RPS6KA2: variants seen among roughly 807,000 people sequenced by gnomAD.
RPS6KA2 encodes the protein ribosomal protein S6 kinase alpha-2.
Under a neutral mutation model 91.8 loss-of-function variants are expected in RPS6KA2, and 42 were observed. That is an observed-to-expected ratio of 0.46 (90% confidence interval 0.36 to 0.59). The LOEUF (loss-of-function observed/expected upper bound fraction) is 0.59. Among genes scored for constraint, RPS6KA2 ranks in the 20% least tolerant of loss-of-function variants. RPS6KA2 has a pLI of 0.00. For missense variants in RPS6KA2, 798 were observed against 978.5 expected (o/e 0.82, Z 2.46); for synonymous variants, 414 against 393.6 (o/e 1.05, Z -0.61).
intron 2 of RPS6KA2, among the ~76,000 whole-genome samples, chr6:166,653,985 A>G (rs1787935979): frequency 6.6e-6 from 1 of 152,222 alleles, no homozygotes; most frequent in Non-Finnish European, 1.5e-5. Context: ...TCTCACTGTG[A>G]TACTGAGCAG....
At chr6:166,429,380 A>T (rs1472041266) in intron 16 of RPS6KA2, among the ~76,000 whole-genome samples, 1 of 151,962 alleles carries the variant, frequency 6.6e-6, no homozygotes, top group Non-Finnish European at 1.5e-5. Context: ...TGGCACATGT[A>T]TACATATGTA....
intron 2 of RPS6KA2, among the ~76,000 whole-genome samples, chr6:166,644,276 T>C (rs1787536558): frequency 6.6e-6 from 1 of 152,110 alleles, no homozygotes; most frequent in Admixed American, 6.5e-5. Context: ...GAAAGGGAAT[T>C]ATCTAGTAGG....
chr6:166,834,325 C>T (rs1424995323), intron 2 of RPS6KA2, among the ~76,000 whole-genome samples: 1 of 152,130 alleles, frequency 6.6e-6, no homozygotes, highest in Admixed American at 6.5e-5. Flanking sequence ...ATTTGCCGTT[C>T]TCATGTCTTT....
At chr6:166,610,195 A>G (rs1202568174) in intron 1 of RPS6KA2, among the ~76,000 whole-genome samples, 3 of 152,236 alleles carry the variant, frequency 2.0e-5, no homozygotes, top group African/African-American at 7.2e-5. Flanking sequence ...AACGTGAGGC[A>G]CGTCATTTGA....
intron 2 of RPS6KA2, among the ~76,000 whole-genome samples, chr6:166,686,966 G>A (rs1408384953): frequency 6.6e-6 from 1 of 152,258 alleles, no homozygotes. Flanking sequence ...CGGAGGGACT[G>A]ACTGGGTGCA....
chr6:166,544,570 A>G (rs573901840), intron 1 of RPS6KA2: 1 of 152,170 alleles, frequency 6.6e-6, no homozygotes, highest in South Asian at 2.1e-4. Flanking sequence ...ACCAGAAGGA[A>G]CCTCCCATGT....
At chr6:166,556,378 C>G (rs1010002870) in intron 1 of RPS6KA2, among the ~76,000 whole-genome samples, 5 of 152,340 alleles carry the variant, frequency 3.3e-5, no homozygotes, top group African/African-American at 1.2e-4. Context: ...GACTTTTCCC[C>G]CTACTACCTG....
chr6:166,816,391 C>A (rs200838178), intron 2 of RPS6KA2, among the ~76,000 whole-genome samples: 303 of 119,962 alleles, frequency 2.5e-3, no homozygotes, highest in Non-Finnish European at 3.2e-3. Flanking sequence ...ACTAAAAATA[C>A]AAAAAAAAAA....
rs1458357253 is a variant in RPS6KA2 at position 166,626,727 on chromosome 6, C to T, written c.99+194G>A. ...AGTTGCCCCCGCGAGGACCCACGGACCGCCCAATTACTACGGAGTCCCAGC... is the reference window on the plus strand; with the variant it reads ...AGTTGCCCCCGCGAGGACCCACGGATCGCCCAATTACTACGGAGTCCCAGC... On this transcript the variant is annotated intron_variant, in intron 1 of 20. Transcript: ENST00000265678. The surrounding 1 kb of genome is among the most constrained non-coding windows in gnomAD (Gnocchi z 4.1). Among the ~76,000 whole-genome samples, 4 of 152,222 alleles carry T rather than the reference C, an allele frequency of 2.6e-5. No homozygotes were observed. Among genetic ancestry groups the T allele is most frequent in the Non-Finnish European group, 4.4e-5 (3 of 68,032 alleles).
In RPS6KA2 at chr6:166,500,152, A is replaced by G. The variant is rs1004745253; in HGVS notation, c.604+735T>C. Among the ~76,000 whole-genome samples, 58 of 152,214 alleles carry G rather than the reference A, an allele frequency of 3.8e-4. No homozygotes were observed. Among genetic ancestry groups the G allele is most frequent in the African/African-American group, 1.4e-3 (58 of 41,444 alleles). On this transcript the variant is annotated intron_variant, in intron 7 of 20. Transcript: ENST00000265678. This position sits in a 1 kb window ranked among gnomAD's most constrained non-coding sequence, Gnocchi z 4.3. ...AGCTAAGCAAGGGAGTCTCCTCTAG[A>G]GGCCCCCAAAAGGCAGGCAGCCCTG...
At chr6:166,425,264 T>G (rs1283823325) in intron 16 of RPS6KA2, among the ~76,000 whole-genome samples, 1 of 152,002 alleles carries the variant, frequency 6.6e-6, no homozygotes, top group Non-Finnish European at 1.5e-5. Flanking sequence ...TTTAAAAAAT[T>G]TTAAAATTTG....
intron 1 of RPS6KA2, among the ~76,000 whole-genome samples, chr6:166,546,404 CAG>C (rs1351529866): frequency 6.6e-6 from 1 of 151,932 alleles, no homozygotes; most frequent in African/African-American, 2.4e-5. Flanking sequence ...AACCCGGTGA[CAG>C]TGATACCAGG....
intron 2 of RPS6KA2, among the ~76,000 whole-genome samples, chr6:166,784,432 G>T (rs759253103): frequency 4.1e-4 from 1 of 2,446 alleles, no homozygotes; most frequent in African/African-American, 1.2e-3. Context: ...AACCACATAT[G>T]CACACGTGCA....
At chr6:166,432,918 C>T (rs1247172667) in intron 14 of RPS6KA2, among the ~76,000 whole-genome samples, 1 of 149,422 alleles carries the variant, frequency 6.7e-6, no homozygotes, top group Non-Finnish European at 1.5e-5. Context: ...TCACTTGAAC[C>T]TGGGAGGCAG....
At chr6:166,707,175 G>T (rs1283136370) in intron 2 of RPS6KA2, among the ~76,000 whole-genome samples, 1 of 152,204 alleles carries the variant, frequency 6.6e-6, no homozygotes, top group African/African-American at 2.4e-5. Context: ...TGGCAGCACT[G>T]GACAGATAAC....
At chr6:166,655,090 A>C (rs936810797) in intron 2 of RPS6KA2, among the ~76,000 whole-genome samples, 1 of 152,150 alleles carries the variant, frequency 6.6e-6, no homozygotes, top group Non-Finnish European at 1.5e-5. Flanking sequence ...CTTTACAACT[A>C]TTTCACCCAA....
intron 2 of RPS6KA2, among the ~76,000 whole-genome samples, chr6:166,815,070 C>T (rs1099649): frequency 0.98 from 149,026 of 152,288 alleles, 72,997 homozygotes; most frequent in East Asian, 1. Context: ...TACCCTAGCA[C>T]TTGAAAAATG....
In RPS6KA2 at chr6:166,849,374, T is replaced by C. The variant is rs78991166; in HGVS notation, c.123+8826A>G. 0.027 allele frequency among the ~76,000 whole-genome samples: 4,043 copies of C among 152,334 alleles called. 94 individuals carry two copies. The highest frequency in any genetic ancestry group is 0.036 in the Non-Finnish European group (2,480 of 68,028). On this transcript the variant is annotated intron_variant, in intron 2 of 21. Transcript: ENST00000503859. This position sits in a 1 kb window ranked among gnomAD's most constrained non-coding sequence, Gnocchi z 4.9. ...AAACCATCTTGTTGAGCTAGTTGTT[T>C]ATTTGCGAGGATGCTAAAATATAAG...
In RPS6KA2 at chr6:166,495,380, G is replaced by C. The variant is rs1357636783; in HGVS notation, c.747+3128C>G. Among the ~76,000 whole-genome samples, 3 of 152,234 alleles carry C rather than the reference G, an allele frequency of 2.0e-5. No homozygotes were observed. The highest frequency in any genetic ancestry group is 4.4e-5 in the Non-Finnish European group (3 of 68,042). On this transcript the variant is annotated intron_variant, in intron 8 of 20. Transcript: ENST00000265678. This position sits in a 1 kb window ranked among gnomAD's most constrained non-coding sequence, Gnocchi z 4.4. ...AATGCGGGACGATCCCAGCAAACAA[G>C]TGAACAATTCAGTAAGAAATGTCCT...
Sources: allele counts gnomAD v4.1 joint callset (sites outside exome capture counted in the v4.1 genomes callset), GRCh38; gene constraint gnomAD v4.1.1; non-coding constraint Gnocchi (gnomAD v3.1); transcripts MANE v1.5; gene names NCBI Gene and HGNC (gene_info 2026-07-23, HGNC 2026-07-21).